MED27: variants seen among roughly 807,000 people sequenced by gnomAD.
MED27 encodes the protein mediator complex subunit 27.
MED27 carries 30 observed loss-of-function variants against 38.2 expected under a neutral mutation model. The observed-to-expected ratio is 0.79, with a 90% CI of 0.59 to 1.07. MED27 has a LOEUF of 1.07. Ranked by LOEUF, MED27 falls within the 50% of genes least tolerant of loss-of-function variation. The probability of loss-of-function intolerance (pLI) is 0.00; values close to 1 mark genes in which losing one functional copy is unlikely to be tolerated. For synonymous variants in MED27, 122 were observed against 153.5 expected (o/e 0.79, Z 1.52); for missense variants, 289 against 397.5 (o/e 0.73, Z 2.32).
At chr9:131,867,179 G>A (rs1046388588) in intron 6 of MED27, among the ~76,000 whole-genome samples, 1 of 152,182 alleles carries the variant, frequency 6.6e-6, no homozygotes, top group African/African-American at 2.4e-5. Context: ...CGGTGAGAAG[G>A]ACCGCCATTC....
intron 2 of MED27, among the ~76,000 whole-genome samples, chr9:132,050,683 C>T (rs1833445844): frequency 6.6e-6 from 1 of 152,194 alleles, no homozygotes; most frequent in South Asian, 2.1e-4. Flanking sequence ...CTGGAAGGCG[C>T]TCTCCAGACA....
At position 131,861,397 on chromosome 9, in the gene MED27, G is replaced by GA; in HGVS notation, c.802-726dup. On this transcript the variant is annotated intron_variant, in intron 7 of 7. Coordinates refer to ENST00000292035, the MANE Select transcript of MED27 (RefSeq NM_004269.4). This position sits in a 1 kb window ranked among gnomAD's most constrained non-coding sequence, Gnocchi z 4.4. The stretch of plus-strand genomic sequence containing the variant: ...CAGCAGGCAAGCAAGTTCTCGCGGT[G>GA]AAAGGGCACGTGAATCTTGTCATTT... Among the ~76,000 whole-genome samples, 1 of 152,300 alleles carries GA rather than the reference G, an allele frequency of 6.6e-6. No homozygotes were observed. Among genetic ancestry groups the GA allele is most frequent in the African/African-American group, 2.4e-5 (1 of 41,558 alleles).
At chr9:131,983,565 T>A (rs1001309634) in intron 3 of MED27, among the ~76,000 whole-genome samples, 9 of 152,192 alleles carry the variant, frequency 5.9e-5, no homozygotes, top group Admixed American at 3.9e-4. Context: ...AGTCTTCCCA[T>A]CCAATCATTA....
intron 4 of MED27, among the ~76,000 whole-genome samples, chr9:131,928,118 C>T (rs1183795259): frequency 6.6e-6 from 1 of 152,222 alleles, no homozygotes; most frequent in Non-Finnish European, 1.5e-5. Flanking sequence ...AGAACCAAGG[C>T]TGTTTAACAG....
intron 3 of MED27, among the ~76,000 whole-genome samples, chr9:131,984,408 C>A (rs1477404099): frequency 1.3e-5 from 2 of 152,128 alleles, no homozygotes; most frequent in African/African-American, 4.8e-5. Flanking sequence ...ACTATGAACT[C>A]AAGATCGACT....
chr9:131,964,369 T>TGGTGGGG (rs1831293549), intron 3 of MED27, among the ~76,000 whole-genome samples: 1 of 94,518 alleles, frequency 1.1e-5, no homozygotes, highest in African/African-American at 4.1e-5. Flanking sequence ...GAGGTGATGG[T>TGGTGGGG]AGTAGTGATG....
intron 4 of MED27, among the ~76,000 whole-genome samples, chr9:131,937,002 C>T (rs1028662215): frequency 2.0e-5 from 3 of 152,192 alleles, no homozygotes; most frequent in African/African-American, 7.2e-5. Context: ...CAGGAATACA[C>T]TGCATTCCAG....
intron 2 of MED27, among the ~76,000 whole-genome samples, chr9:132,026,920 T>C (rs1298861049): frequency 6.6e-6 from 1 of 152,194 alleles, no homozygotes; most frequent in African/African-American, 2.4e-5. Context: ...GATGAGAAAA[T>C]TGAGGCACAG....
intron 2 of MED27, among the ~76,000 whole-genome samples, chr9:132,029,882 G>A (rs1425273277): frequency 6.6e-6 from 1 of 151,494 alleles, no homozygotes. Context: ...GGGGGCGGGG[G>A]AGGGGAGCAG....
chr9:132,003,909 C>T lies in MED27; in HGVS notation c.479+10428G>A, dbSNP rs1342597072. 1.3e-5 allele frequency among the ~76,000 whole-genome samples: 2 copies of T among 152,106 alleles called. No individual in the cohort carries two copies. The highest frequency in any genetic ancestry group is 2.9e-5 in the Non-Finnish European group (2 of 68,026). On this transcript the variant is annotated intron_variant, in intron 3 of 7. Coordinates refer to ENST00000292035, the MANE Select transcript of MED27 (RefSeq NM_004269.4). This position sits in a 1 kb window ranked among gnomAD's most constrained non-coding sequence, Gnocchi z 4.2. ...AGTACTTTCTGCACCTTTAGATTCC[C>T]GGTGTGGTCAAACATACATCTGGCC...
intron 4 of MED27, among the ~76,000 whole-genome samples, chr9:131,911,228 G>A (rs1269381057): frequency 6.6e-6 from 1 of 152,170 alleles, no homozygotes; most frequent in Non-Finnish European, 1.5e-5. Context: ...ACAAGCCATA[G>A]CGTGCAGGAG....
intron 5 of MED27, among the ~76,000 whole-genome samples, chr9:131,886,379 T>G (rs1213525638): frequency 1.3e-5 from 2 of 152,180 alleles, no homozygotes; most frequent in East Asian, 1.9e-4. Flanking sequence ...GAGCTTTCAC[T>G]GATCAAGCAT....
intron 3 of MED27, among the ~76,000 whole-genome samples, chr9:131,946,672 C>T (rs894915390): frequency 6.6e-6 from 1 of 152,192 alleles, no homozygotes; most frequent in Non-Finnish European, 1.5e-5. Flanking sequence ...GACCTTCACT[C>T]CAGCTGCAGT....
At chr9:131,947,404 T>C (rs1830906221) in intron 3 of MED27, among the ~76,000 whole-genome samples, 1 of 152,242 alleles carries the variant, frequency 6.6e-6, no homozygotes, top group African/African-American at 2.4e-5. Flanking sequence ...AGAAACACAC[T>C]GTTATTGACA....
chr9:132,034,977 AC>A (rs1160633737), intron 2 of MED27, among the ~76,000 whole-genome samples: 1 of 152,000 alleles, frequency 6.6e-6, no homozygotes, highest in African/African-American at 2.4e-5. Context: ...ACAAACAGAC[AC>A]CCCCCTCAAA....
At chr9:131,890,448 G>A (rs978235854) in intron 5 of MED27, among the ~76,000 whole-genome samples, 2 of 152,168 alleles carry the variant, frequency 1.3e-5, no homozygotes, top group African/African-American at 4.8e-5. Flanking sequence ...AGAGAGGCCG[G>A]GCTAATCTCT....
chr9:131,939,421 A>C lies in MED27; in HGVS notation c.533T>G (p.Ile178Ser), dbSNP rs922514628. 6.2e-7 allele frequency: 1 copy of C among 1,612,592 alleles called. No individual in the cohort carries two copies. Among genetic ancestry groups the C allele is most frequent in the Non-Finnish European group, 8.5e-7 (1 of 1,179,406 alleles). ...RIDRMFPEMS[I>S]HLSRPNGTSA... ...TGTTCCATTGGGTCTGGATAAGTGG[A>C]TGGACATTTCAGGAAACATCCTGTC... The change falls in exon 4 of 8, where the codon ATC (isoleucine) becomes AGC (serine). Residue 178 changes from isoleucine to serine, a missense_variant. By Grantham distance (142) the Ile-to-Ser change is moderately radical. Transcript: ENST00000292035.
chr9:131,915,142 G>C (rs1258823541), intron 4 of MED27, among the ~76,000 whole-genome samples: 1 of 152,118 alleles, frequency 6.6e-6, no homozygotes, highest in Admixed American at 6.5e-5. Context: ...GACAGAGAGG[G>C]GACAAGACCA....
chr9:132,072,860 G>T (rs1333038438), intron 2 of MED27, among the ~76,000 whole-genome samples: 1 of 152,044 alleles, frequency 6.6e-6, no homozygotes, highest in East Asian at 1.9e-4. Flanking sequence ...TGAGTCAGGG[G>T]TGGGCCTGGT....
Sources: gnomAD v4.1 joint callset for allele counts (sites outside exome capture counted in the v4.1 genomes callset) on GRCh38, gnomAD v4.1.1 for gene constraint, Gnocchi (gnomAD v3.1) non-coding constraint, MANE v1.5 for transcripts, NCBI Gene and HGNC (gene_info 2026-07-23, HGNC 2026-07-21) for gene names.